Variants in CNTN4 observed in about 807,000 individuals in gnomAD.
The protein encoded by CNTN4 is contactin-4.
CNTN4 carries 77 observed loss-of-function variants against 122.5 expected under a neutral mutation model. That is an observed-to-expected ratio of 0.63 (90% confidence interval 0.52 to 0.76). The LOEUF (loss-of-function observed/expected upper bound fraction) is 0.76. CNTN4 is among the 30% of genes least tolerant of loss of function. The probability of loss-of-function intolerance (pLI) is 0.00; values close to 1 mark genes in which losing one functional copy is unlikely to be tolerated. For synonymous variants in CNTN4, 512 were observed against 447.0 expected (o/e 1.15, Z -1.83); for missense variants, 1,256 against 1,259.1 (o/e 1.00, Z 0.04).
intron 3 of CNTN4, among the ~76,000 whole-genome samples, chr3:2,365,641 A>T (rs1015560968): frequency 6.6e-6 from 1 of 152,146 alleles, no homozygotes; most frequent in Non-Finnish European, 1.5e-5. Context: ...CTGAGATGAG[A>T]TGTGAGATTC....
chr3:2,523,448 C>T (rs989496635), intron 3 of CNTN4, among the ~76,000 whole-genome samples: 3 of 151,400 alleles, frequency 2.0e-5, no homozygotes, highest in African/African-American at 2.4e-5. Context: ...TTTCAGAATC[C>T]ATCAAGTGAA....
At chr3:2,492,454 C>T (rs565189400) in intron 3 of CNTN4, among the ~76,000 whole-genome samples, 9 of 152,170 alleles carry the variant, frequency 5.9e-5, no homozygotes, top group African/African-American at 9.6e-5. Flanking sequence ...TTCAGGTCTG[C>T]GAGGCCTCAT....
In CNTN4 at chr3:3,043,689, A is replaced by C; in HGVS notation, c.2796A>C (p.Glu932Asp). Residue 932 changes from glutamate to aspartate, a missense_variant, in exon 23 of 25, where the codon GAA becomes GAC. Physicochemically the swap from Glu to Asp is conservative, Grantham distance 45. Coordinates refer to ENST00000418658, the MANE Select transcript of CNTN4 (RefSeq NM_175607.3). ...TGAAGGCCCTGGATAATGAGTCGGA[A>C]GTAAAAGGATACAAAGTAGGTAATT... ...DQVKALDNESEVKGYKVLYRW... is the reference protein window; with the variant it reads ...DQVKALDNESDVKGYKVLYRW... 6.2e-7 allele frequency: 1 copy of C among 1,612,150 alleles called. No individual in the cohort carries two copies. The highest frequency in any genetic ancestry group is 8.5e-7 in the Non-Finnish European group (1 of 1,178,180).
chr3:2,403,411 G>A (rs1027860956), intron 3 of CNTN4, among the ~76,000 whole-genome samples: 5 of 152,068 alleles, frequency 3.3e-5, no homozygotes, highest in Non-Finnish European at 7.4e-5. Context: ...TTAACTTACT[G>A]CTGCTTTTAC....
chr3:2,860,206 A>G lies in CNTN4; in HGVS notation c.455-6546A>G, dbSNP rs567651042. Among the ~76,000 whole-genome samples the G allele has an allele frequency of 1.6e-4, 24 of 152,348 alleles. No individual in the cohort carries two copies. The South Asian group carries it at 4.8e-3, about 30-fold the overall frequency. ...TCATTTCTCCAAAATCAGTACTGCAAAGACGGTGAAAAGCTTTCACTTTAT... is the reference window on the plus strand; with the variant it reads ...TCATTTCTCCAAAATCAGTACTGCAGAGACGGTGAAAAGCTTTCACTTTAT... On this transcript the variant is annotated intron_variant, in intron 7 of 24. Transcript: ENST00000418658.
At chr3:2,778,426 G>A (rs1554199) in intron 6 of CNTN4, among the ~76,000 whole-genome samples, 4,748 of 141,400 alleles carry the variant, frequency 0.034, 107 homozygotes, top group South Asian at 0.078. Flanking sequence ...TTTTTTAAAA[G>A]CAAGTTCTCA....
At chr3:2,382,546 TA>T (rs2046067733) in intron 3 of CNTN4, among the ~76,000 whole-genome samples, 1 of 152,190 alleles carries the variant, frequency 6.6e-6, no homozygotes, top group African/African-American at 2.4e-5. Context: ...GAACACTTTC[TA>T]AAAAATTCTA....
chr3:2,982,737 T>C (rs572805967), intron 13 of CNTN4, among the ~76,000 whole-genome samples: 57 of 152,272 alleles, frequency 3.7e-4, no homozygotes, highest in Non-Finnish European at 1.2e-4. Context: ...TCTTTATACC[T>C]AGATAGTTTG....
Position 2,400,404 on chromosome 3 carries a change from A to AATATATATAT in CNTN4, c.-89+61185_-89+61194dup, listed in dbSNP as rs36082705. 1.5e-3 allele frequency among the ~76,000 whole-genome samples: 133 copies of AATATATATAT among 91,372 alleles called. 1 individual carries two copies. Among genetic ancestry groups the AATATATATAT allele is most frequent in the South Asian group, 3.7e-3 (11 of 3,010 alleles). The allele number at this position is 91,372 out of a possible 152,430, so 59.9% of individuals were successfully genotyped here. The stretch of plus-strand genomic sequence containing the variant: ...TGTGTGTGGTGTGTGTATGTGTGTG[A>AATATATATAT]ATATATATATATATATATATATACA... On this transcript the variant is annotated intron_variant, in intron 3 of 24. Transcript: ENST00000418658.
intron 2 of CNTN4, among the ~76,000 whole-genome samples, chr3:2,243,378 G>C (rs1183862161): frequency 6.6e-6 from 1 of 152,102 alleles, no homozygotes; most frequent in Non-Finnish European, 1.5e-5. Flanking sequence ...CCATTTTTAT[G>C]TGATGAATTT....
At chr3:2,164,815 T>C (rs1049071360) in intron 2 of CNTN4, among the ~76,000 whole-genome samples, 1 of 152,062 alleles carries the variant, frequency 6.6e-6, no homozygotes. Context: ...TGCGTTTTGA[T>C]ACATGAAAGG....
In CNTN4 at chr3:2,900,678, C is replaced by T; in HGVS notation, c.941-7C>T. 3.7e-6 allele frequency: 6 copies of T among 1,613,332 alleles called. No homozygotes were observed. Among genetic ancestry groups the T allele is most frequent in the Non-Finnish European group, 5.1e-6 (6 of 1,179,412 alleles). ...TACACCTTTCTTTGCTTTTTGGATGCCTATAGCTCAACCTAATTGGATTCA... is the reference window on the plus strand; with the variant it reads ...TACACCTTTCTTTGCTTTTTGGATGTCTATAGCTCAACCTAATTGGATTCA... On this transcript the variant is annotated splice_region_variant and splice_polypyrimidine_tract_variant and intron_variant, in intron 10 of 24. Transcript: ENST00000418658.
chr3:2,113,405 T>C lies in CNTN4; in HGVS notation c.-145+12766T>C, dbSNP rs116789790. ...ATGGCCGTGTTGTAATTGTAGCCCA[T>C]TGATTGGCATCTCCAAGGAGCTTGT... On this transcript the variant is annotated intron_variant, in intron 2 of 24. Coordinates refer to ENST00000418658, the MANE Select transcript of CNTN4 (RefSeq NM_175607.3). 3.7e-3 allele frequency among the ~76,000 whole-genome samples: 564 copies of C among 152,304 alleles called. 7 individuals carry two copies. Among genetic ancestry groups the C allele is most frequent in the African/African-American group, 0.013 (534 of 41,570 alleles).
chr3:2,927,785 A>T (rs1251051602), intron 13 of CNTN4, among the ~76,000 whole-genome samples: 1 of 152,170 alleles, frequency 6.6e-6, no homozygotes, highest in East Asian at 1.9e-4. Context: ...ATTTTGCACT[A>T]AAATATATAT....
intron 2 of CNTN4, among the ~76,000 whole-genome samples, chr3:2,249,049 G>T (rs892107249): frequency 6.6e-6 from 1 of 151,830 alleles, no homozygotes; most frequent in African/African-American, 2.4e-5. Flanking sequence ...TTAAAAAATT[G>T]TACCCTGACC....
chr3:3,017,142 T>C (rs934244646), intron 14 of CNTN4, among the ~76,000 whole-genome samples: 2 of 152,188 alleles, frequency 1.3e-5, no homozygotes, highest in East Asian at 1.9e-4. Context: ...TTATTGTTCT[T>C]TTTCCAATTG....
intron 4 of CNTN4, among the ~76,000 whole-genome samples, chr3:2,668,521 A>T (rs1323321682): frequency 1.3e-5 from 2 of 152,216 alleles, no homozygotes; most frequent in African/African-American, 4.8e-5. Context: ...CTAGATATAC[A>T]ATCAGGTCAT....
At chr3:2,557,933 G>A (rs2078788373) in intron 3 of CNTN4, among the ~76,000 whole-genome samples, 1 of 151,930 alleles carries the variant, frequency 6.6e-6, no homozygotes, top group Admixed American at 6.6e-5. Flanking sequence ...TCTTCTGTAG[G>A]CAAACTTTTA....
intron 11 of CNTN4, among the ~76,000 whole-genome samples, chr3:2,901,723 T>C (rs2094175851): frequency 6.6e-6 from 1 of 152,214 alleles, no homozygotes; most frequent in Non-Finnish European, 1.5e-5. Flanking sequence ...GTTCAGGTGC[T>C]TTAGTCAAAG....
Sources: gnomAD v4.1 joint callset for allele counts (sites outside exome capture counted in the v4.1 genomes callset) on GRCh38, gnomAD v4.1.1 for gene constraint, MANE v1.5 for transcripts, NCBI Gene and HGNC (gene_info 2026-07-23, HGNC 2026-07-21) for gene names.